Variants in GRIK1 observed in about 807,000 individuals in gnomAD.
GRIK1 encodes glutamate ionotropic receptor kainate type subunit 1.
In GRIK1, 69 loss-of-function variants were observed where a neutral mutation model predicts 105.7. The observed-to-expected ratio is 0.65, with a 90% CI of 0.54 to 0.80. The LOEUF is 0.80. GRIK1 is among the 30% of genes least tolerant of loss of function. The pLI is 0.00. For missense variants in GRIK1, 1,109 were observed against 1,167.3 expected, an observed-to-expected ratio of 0.95 and a Z score of 0.73; for synonymous variants, 438 against 431.3, an observed-to-expected ratio of 1.02 and a Z score of -0.19.
At chr21:29,615,093 C>G (rs1280803924) in intron 7 of GRIK1, among the ~76,000 whole-genome samples, 1 of 151,736 alleles carries the variant, frequency 6.6e-6, no homozygotes, top group Admixed American at 6.5e-5. Flanking sequence ...ACCTCCTCTC[C>G]GAAGCTGTTC....
intron 4 of GRIK1, among the ~76,000 whole-genome samples, chr21:29,668,819 G>A (rs2063109141): frequency 6.6e-6 from 1 of 152,160 alleles, no homozygotes; most frequent in African/African-American, 2.4e-5. Flanking sequence ...GGGTGTATAT[G>A]AAGGATAAAC....
intron 4 of GRIK1, among the ~76,000 whole-genome samples, chr21:29,664,237 A>G (rs1463557359): frequency 6.6e-6 from 1 of 152,198 alleles, no homozygotes; most frequent in African/African-American, 2.4e-5. Flanking sequence ...CTTGGAAATC[A>G]TTGTTATGAT....
chr21:29,623,970 A>G (rs2062065483), intron 7 of GRIK1, among the ~76,000 whole-genome samples: 1 of 152,186 alleles, frequency 6.6e-6, no homozygotes. Flanking sequence ...TCTTTGGCTG[A>G]ACGTGTTTTT....
chr21:29,581,350 T>C, intron 13 of GRIK1, 75 bp downstream of exon 13: 1 of 852,800 alleles, frequency 1.2e-6, no homozygotes, highest in Admixed American at 1.7e-5. Context: ...TCTAGCTTCA[T>C]GGTGGAGTTT....
At chr21:29,594,799 G>A (rs1367017242) in intron 9 of GRIK1, among the ~76,000 whole-genome samples, 1 of 152,158 alleles carries the variant, frequency 6.6e-6, no homozygotes, top group African/African-American at 2.4e-5. Context: ...AAAGATAAAG[G>A]TATATGTGTT....
intron 1 of GRIK1, among the ~76,000 whole-genome samples, chr21:29,768,976 C>T (rs2065743995): frequency 6.6e-6 from 1 of 152,246 alleles, no homozygotes; most frequent in African/African-American, 2.4e-5. Flanking sequence ...AAGCATTTAG[C>T]GTAGTCTTAA....
At chr21:29,757,553 A>T (rs1008536966) in intron 1 of GRIK1, among the ~76,000 whole-genome samples, 1 of 152,160 alleles carries the variant, frequency 6.6e-6, no homozygotes, top group Non-Finnish European at 1.5e-5. Context: ...CTATGACTAA[A>T]TTTTTTCCTA....
At chr21:29,682,859 G>A (rs1243976826) in intron 3 of GRIK1, among the ~76,000 whole-genome samples, 1 of 152,102 alleles carries the variant, frequency 6.6e-6, no homozygotes, top group Non-Finnish European at 1.5e-5. Flanking sequence ...CACAGAATGG[G>A]AGAAAATGTG....
chr21:29,658,200 G>C (rs1906699631), intron 4 of GRIK1, among the ~76,000 whole-genome samples: 1 of 152,220 alleles, frequency 6.6e-6, no homozygotes, highest in African/African-American at 2.4e-5. Context: ...TGTTCATATG[G>C]ATAGCATATT....
intron 1 of GRIK1, among the ~76,000 whole-genome samples, chr21:29,791,382 A>G (rs890585239): frequency 1.7e-4 from 26 of 152,188 alleles, no homozygotes; most frequent in African/African-American, 6.3e-4. Flanking sequence ...ACAGTGCTTT[A>G]TAAGAGTGGA....
At chr21:29,894,377 G>A (rs2070029277) in intron 1 of GRIK1, among the ~76,000 whole-genome samples, 1 of 152,074 alleles carries the variant, frequency 6.6e-6, no homozygotes, top group African/African-American at 2.4e-5. Context: ...CAGTCCAAGA[G>A]TCCAAAAGCT....
At chr21:29,784,741 C>T (rs925117216) in intron 1 of GRIK1, among the ~76,000 whole-genome samples, 5 of 152,044 alleles carry the variant, frequency 3.3e-5, no homozygotes. Context: ...TCTAATAATG[C>T]CTTAAATGTT....
intron 1 of GRIK1, among the ~76,000 whole-genome samples, chr21:29,712,481 A>G (rs2064081351): frequency 6.6e-6 from 1 of 152,110 alleles, no homozygotes; most frequent in Non-Finnish European, 1.5e-5. Context: ...GAAATATTGC[A>G]TCAACTTACA....
At chr21:29,581,732 A>G (rs1052977388) in intron 12 of GRIK1, among the ~76,000 whole-genome samples, 189 bp from the exon 13 acceptor site, 5 of 152,202 alleles carry the variant, frequency 3.3e-5, no homozygotes, top group Admixed American at 2.0e-4. Context: ...TGAGACGTTA[A>G]TATTTACCAG....
Position 29,939,584 on chromosome 21 carries a change from T to A in GRIK1, c.-84A>T. The A allele has an allele frequency of 1.3e-6, 1 of 799,488 alleles. No homozygotes were observed. The highest frequency in any genetic ancestry group is 2.0e-6 in the Non-Finnish European group (1 of 504,436). The allele number at this position is 799,488 out of a possible 1,614,324, so 49.5% of individuals were successfully genotyped here. On this transcript the variant is annotated 5_prime_UTR_variant, in exon 1 of 18. Coordinates refer to ENST00000327783, the MANE Select transcript of GRIK1 (RefSeq NM_001330994.2). ...ACCCAACTTGGGCCGGGTCCCCGCC[T>A]CATCCTCTCTGGATGCTCCGGTTCC...
At chr21:29,804,315 C>T (rs1265401315) in intron 1 of GRIK1, among the ~76,000 whole-genome samples, 3 of 152,086 alleles carry the variant, frequency 2.0e-5, no homozygotes, top group Admixed American at 1.3e-4. Context: ...ACTCTCCTTC[C>T]CCATCAGCAT....
intron 7 of GRIK1, among the ~76,000 whole-genome samples, chr21:29,624,075 A>T (rs2062067651): frequency 6.6e-6 from 1 of 152,232 alleles, no homozygotes; most frequent in South Asian, 2.1e-4. Flanking sequence ...TAGAGGTTCA[A>T]AATTAAGTGA....
At chr21:29,630,556 A>G (rs1378019513) in intron 7 of GRIK1, 10 of 471,776 alleles carry the variant, frequency 2.1e-5, no homozygotes, top group Non-Finnish European at 4.0e-5. Flanking sequence ...GCTGCCAATA[A>G]TGTCTGCAAA....
chr21:29,562,459 C>A (rs1252402036), intron 14 of GRIK1, among the ~76,000 whole-genome samples: 2 of 152,110 alleles, frequency 1.3e-5, no homozygotes, highest in African/African-American at 4.8e-5. Flanking sequence ...AGTTCGAGAC[C>A]AGCTTGACCA....
Sources: gnomAD v4.1 joint callset for allele counts (sites outside exome capture counted in the v4.1 genomes callset) on GRCh38, gnomAD v4.1.1 for gene constraint, MANE v1.5 for transcripts, NCBI Gene and HGNC (gene_info 2026-07-23, HGNC 2026-07-21) for gene names.